Variants in NNMT observed in about 807,000 individuals in gnomAD.
The protein encoded by NNMT is nicotinamide N-methyltransferase.
A neutral mutation model predicts 11.7 loss-of-function variants in NNMT; 10 were observed. The observed-to-expected ratio is 0.85, with a 90% CI of 0.53 to 1.45. The LOEUF (loss-of-function observed/expected upper bound fraction) is 1.45, where lower values mean the gene tolerates loss of function less well. NNMT is among the 40% of genes most tolerant of loss of function. The pLI, the probability that NNMT is intolerant of heterozygous loss-of-function variation, is 0.00. For missense variants in NNMT, 381 were observed against 319.4 expected, an observed-to-expected ratio of 1.19 and a Z score of -1.47; for synonymous variants, 143 against 133.8, an observed-to-expected ratio of 1.07 and a Z score of -0.48.
intron 2 of NNMT, among the ~76,000 whole-genome samples, chr11:114,286,126 G>A (rs1361696985): frequency 6.6e-6 from 1 of 152,152 alleles, no homozygotes; most frequent in Non-Finnish European, 1.5e-5. Flanking sequence ...TAGCCCCACT[G>A]GGTAAAATTG....
chr11:114,279,998 C>T (rs1284117196), intron 2 of NNMT, among the ~76,000 whole-genome samples: 1 of 151,996 alleles, frequency 6.6e-6, no homozygotes, highest in Non-Finnish European at 1.5e-5. Context: ...TGGAAGAAGC[C>T]ACGTGACAAA....
chr11:114,281,463 A>G (rs1945262855), intron 2 of NNMT, among the ~76,000 whole-genome samples: 1 of 152,106 alleles, frequency 6.6e-6, no homozygotes, highest in African/African-American at 2.4e-5. Flanking sequence ...TGGTGGAGGG[A>G]GGTCAATGAA....
intron 1 of NNMT, 75 bp downstream of exon 1, chr11:114,296,785 G>T: frequency 6.9e-7 from 1 of 1,457,024 alleles, no homozygotes; most frequent in Non-Finnish European, 9.5e-7. Flanking sequence ...ACTGGGTTTT[G>T]TGTCTCTCGT....
rs1246980839 is a variant in NNMT, at chr11:114,312,514, G to A, written c.*37G>A. Reference sequence around the variant, plus strand: ...TCAATTAAAGCAATTCCTTTGACCTGTCCAGTTGACTTTAGTCCTTGTTTC... The same window carrying A: ...TCAATTAAAGCAATTCCTTTGACCTATCCAGTTGACTTTAGTCCTTGTTTC... On this transcript the variant is annotated 3_prime_UTR_variant, in exon 3 of 3. Coordinates refer to ENST00000299964, the MANE Select transcript of NNMT (RefSeq NM_006169.3). 6.3e-7 allele frequency: 1 copy of A among 1,579,904 alleles called. No homozygotes were observed. The highest frequency in any genetic ancestry group is 1.7e-5 in the Admixed American group (1 of 58,666).
chr11:114,263,100 G>A (rs573496675), intron 2 of NNMT, among the ~76,000 whole-genome samples: 1 of 152,200 alleles, frequency 6.6e-6, no homozygotes, highest in East Asian at 1.9e-4. Context: ...TCCCAAGCAT[G>A]GGTACTTGAC....
At chr11:114,272,633 C>T (rs142836050) in intron 2 of NNMT, among the ~76,000 whole-genome samples, 1 of 152,170 alleles carries the variant, frequency 6.6e-6, no homozygotes, top group African/African-American at 2.4e-5. Flanking sequence ...AGTGAAGCTG[C>T]GAAGGCATCA....
upstream of NNMT, chr11:114,296,346 G>C (rs1402687995): frequency 5.6e-6 from 3 of 538,976 alleles, no homozygotes; most frequent in Non-Finnish European, 9.7e-6. Context: ...CCTTCTCCGG[G>C]AATTTCATCA....
Position 114,309,665 on chromosome 11 carries a change from G to A in NNMT, c.363-2380G>A, listed in dbSNP as rs545576147. ...CAATTAATGCACCCATTTAAATTGC[G>A]AAATTCAGTAGTTTTTAGTATACTT... On this transcript the variant is annotated intron_variant, in intron 2 of 2. Transcript: ENST00000299964. Among the ~76,000 whole-genome samples the A allele has an allele frequency of 4.6e-5, 7 of 152,184 alleles. No homozygotes were observed. In the South Asian group the frequency reaches 6.2e-4, roughly 14 times the overall value.
intron 2 of NNMT, among the ~76,000 whole-genome samples, chr11:114,304,715 A>T (rs1159641765): frequency 6.6e-6 from 1 of 152,118 alleles, no homozygotes; most frequent in South Asian, 2.1e-4. Flanking sequence ...AGTGGTGCAC[A>T]CCCGTATTCC....
At chr11:114,309,165 A>C (rs1385948367) in intron 2 of NNMT, among the ~76,000 whole-genome samples, 1 of 152,206 alleles carries the variant, frequency 6.6e-6, no homozygotes, top group East Asian at 1.9e-4. Flanking sequence ...CTTTATTATT[A>C]TTCCTATGTG....
chr11:114,284,993 C>T (rs1471369429), intron 2 of NNMT, among the ~76,000 whole-genome samples: 1 of 151,562 alleles, frequency 6.6e-6, no homozygotes, highest in East Asian at 1.9e-4. Flanking sequence ...GTCTTGAACT[C>T]CTGATCCGCC....
chr11:114,289,766 A>T (rs1371062325), intron 2 of NNMT, among the ~76,000 whole-genome samples: 2 of 152,190 alleles, frequency 1.3e-5, no homozygotes, highest in African/African-American at 2.4e-5. Context: ...GCTAGTATGT[A>T]AGAATTTATT....
At chr11:114,288,955 G>A (rs935029933) in intron 2 of NNMT, among the ~76,000 whole-genome samples, 2 of 152,008 alleles carry the variant, frequency 1.3e-5, no homozygotes, top group African/African-American at 4.8e-5. Context: ...TAGTTGAGGG[G>A]TATTTTCTCT....
At chr11:114,278,334 G>A (rs1445089758) in intron 2 of NNMT, among the ~76,000 whole-genome samples, 2 of 152,150 alleles carry the variant, frequency 1.3e-5, no homozygotes, top group African/African-American at 4.8e-5. Flanking sequence ...CCATTCATGA[G>A]GGATTTGCTC....
chr11:114,293,132 AT>A (rs901220059), upstream of NNMT, among the ~76,000 whole-genome samples: 4 of 152,160 alleles, frequency 2.6e-5, no homozygotes, highest in Non-Finnish European at 5.9e-5. Context: ...GCTGTGCTCC[AT>A]TACTAGGGCA....
At chr11:114,305,106 A>G (rs1945477193) in intron 2 of NNMT, among the ~76,000 whole-genome samples, 1 of 152,248 alleles carries the variant, frequency 6.6e-6, no homozygotes, top group African/African-American at 2.4e-5. Flanking sequence ...AGGCCCCACT[A>G]GCTACCTACA....
In NNMT at chr11:114,308,764, G is replaced by A. The variant is rs76240104; in HGVS notation, c.363-3281G>A. Among the ~76,000 whole-genome samples, 215 of 152,204 alleles carry A rather than the reference G, an allele frequency of 1.4e-3. 1 individual carries two copies. Among genetic ancestry groups the A allele is most frequent in the African/African-American group, 5.0e-3 (206 of 41,500 alleles). The stretch of plus-strand genomic sequence containing the variant: ...GTCTCTGGTGAGTCCATTTCCCTGC[G>A]TTGCCCCGAGGTGTATGCAGGCTTT... On this transcript the variant is annotated intron_variant, in intron 2 of 2. Transcript: ENST00000299964.
intron 2 of NNMT, among the ~76,000 whole-genome samples, chr11:114,280,771 T>C (rs1945254239): frequency 6.6e-6 from 1 of 152,064 alleles, no homozygotes; most frequent in Non-Finnish European, 1.5e-5. Flanking sequence ...TGTCTTTCAC[T>C]CTCTGGGCAC....
chr11:114,290,536 G>A (rs1218462499), intron 2 of NNMT, among the ~76,000 whole-genome samples: 2 of 152,200 alleles, frequency 1.3e-5, no homozygotes, highest in African/African-American at 4.8e-5. Flanking sequence ...GCAATCTGAT[G>A]CAGGGGGGAT....
Sources: allele counts gnomAD v4.1 joint callset (sites outside exome capture counted in the v4.1 genomes callset), GRCh38; gene constraint gnomAD v4.1.1; transcripts MANE v1.5; gene names NCBI Gene and HGNC (gene_info 2026-07-23, HGNC 2026-07-21).